CD1B: variants seen among roughly 807,000 people sequenced by gnomAD.
CD1B encodes T-cell surface glycoprotein CD1b.
In CD1B, 43 loss-of-function variants were observed where a neutral mutation model predicts 39.8. The ratio of observed to expected loss-of-function variants is 1.08; its 90% CI spans 0.85 to 1.39. CD1B has a LOEUF of 1.39. Among genes scored for constraint, CD1B ranks in the 40% most tolerant of loss-of-function variants. The pLI, the probability that CD1B is intolerant of heterozygous loss-of-function variation, is 0.00. For synonymous variants in CD1B, 192 were observed against 152.5 expected (o/e 1.26, Z -1.91); for missense variants, 495 against 403.8 (o/e 1.23, Z -1.94).
chr1:158,308,151 G>A, the CD1B span, among the ~76,000 whole-genome samples: 2 of 152,226 alleles, frequency 1.3e-5, no homozygotes, highest in East Asian at 1.9e-4. Flanking sequence ...AGGATACAAA[G>A]TCAATGTGCA....
chr1:158,321,837 T>C, the CD1B span, among the ~76,000 whole-genome samples: 214 of 152,262 alleles, frequency 1.4e-3, no homozygotes, highest in African/African-American at 4.6e-3. Flanking sequence ...TGTGCCATGG[T>C]GGTTTACTGC....
the CD1B span, among the ~76,000 whole-genome samples, chr1:158,298,271 G>A: frequency 6.6e-6 from 1 of 152,078 alleles, no homozygotes; most frequent in Admixed American, 6.6e-5. Context: ...CCACAAAGAA[G>A]CTTATGTTAT....
the CD1B span, among the ~76,000 whole-genome samples, chr1:158,313,977 G>A: frequency 0.55 from 83,351 of 151,942 alleles, 26,195 homozygotes; most frequent in African/African-American, 0.85. Flanking sequence ...GTCTCTTATG[G>A]TCCTTTGTAT....
At chr1:158,289,031 T>C in the CD1B span, among the ~76,000 whole-genome samples, 2 of 152,208 alleles carry the variant, frequency 1.3e-5, no homozygotes, top group Non-Finnish European at 2.9e-5. Context: ...TTCCACACTG[T>C]ACAGAATTTT....
At chr1:158,323,944 G>C (rs1652268792), downstream of CD1B, among the ~76,000 whole-genome samples, 1 of 152,158 alleles carries the variant, frequency 6.6e-6, no homozygotes, top group African/African-American at 2.4e-5. Flanking sequence ...CCACCAAGGA[G>C]TTTCAGAAAA....
the CD1B span, among the ~76,000 whole-genome samples, chr1:158,299,710 C>A: frequency 6.6e-6 from 1 of 152,128 alleles, no homozygotes; most frequent in Non-Finnish European, 1.5e-5. Flanking sequence ...CTGGTTTACT[C>A]TTGGGAGGGT....
At chr1:158,288,633 T>A in the CD1B span, among the ~76,000 whole-genome samples, 1 of 152,216 alleles carries the variant, frequency 6.6e-6, no homozygotes, top group Non-Finnish European at 1.5e-5. Flanking sequence ...GCTCAAGTGA[T>A]CTTCCCACCT....
At chr1:158,318,302 C>G in the CD1B span, among the ~76,000 whole-genome samples, 31 of 152,248 alleles carry the variant, frequency 2.0e-4, no homozygotes, top group Non-Finnish European at 4.1e-4. Context: ...GAGTCTAAGT[C>G]TCTTTGTAGG....
At chr1:158,304,103 G>A in the CD1B span, among the ~76,000 whole-genome samples, 1 of 152,068 alleles carries the variant, frequency 6.6e-6, no homozygotes. Context: ...GCAGGACAGT[G>A]GGTGCAGTTC....
the CD1B span, chr1:158,292,961 T>A: frequency 7.6e-7 from 1 of 1,322,426 alleles, no homozygotes; most frequent in Non-Finnish European, 1.1e-6. Flanking sequence ...CAGACCTAGG[T>A]GAGGGATTGT....
chr1:158,307,313 C>T, the CD1B span, among the ~76,000 whole-genome samples: 2 of 152,066 alleles, frequency 1.3e-5, no homozygotes, highest in Admixed American at 1.3e-4. Flanking sequence ...TACCTCTACG[C>T]AAATAAACTA....
the CD1B span, among the ~76,000 whole-genome samples, chr1:158,297,724 T>G: frequency 6.6e-6 from 1 of 152,030 alleles, no homozygotes; most frequent in Non-Finnish European, 1.5e-5. Flanking sequence ...CTTGATCCTA[T>G]GAGTTTGAGA....
the CD1B span, among the ~76,000 whole-genome samples, chr1:158,306,824 A>T: frequency 3.6e-4 from 55 of 152,228 alleles, no homozygotes; most frequent in Admixed American, 6.5e-5. Flanking sequence ...CTGCTCCTGA[A>T]TGACTACTGG....
the CD1B span, among the ~76,000 whole-genome samples, chr1:158,314,356 A>G: frequency 6.6e-6 from 1 of 152,186 alleles, no homozygotes; most frequent in Admixed American, 6.5e-5. Flanking sequence ...TGCTGGGATT[A>G]AGTGGTGAGC....
chr1:158,299,121 G>T, the CD1B span, among the ~76,000 whole-genome samples: 8 of 152,098 alleles, frequency 5.3e-5, no homozygotes, highest in Admixed American at 2.6e-4. Context: ...TTCCAGTTTT[G>T]CCCATTCAGT....
At chr1:158,331,175 C>A in intron 1 of CD1B, 113 bp from the exon 2 acceptor site, 1 of 1,236,936 alleles carries the variant, frequency 8.1e-7, no homozygotes, top group Non-Finnish European at 1.1e-6. Context: ...CTAAAGAACA[C>A]AGGAAGTCTG....
chr1:158,295,426 A>G, the CD1B span, among the ~76,000 whole-genome samples: 38 of 151,742 alleles, frequency 2.5e-4, no homozygotes, highest in Admixed American at 6.6e-4. Flanking sequence ...TCCTAGCTGC[A>G]GGAGACCCCC....
the CD1B span, among the ~76,000 whole-genome samples, chr1:158,311,797 G>A: frequency 2.0e-5 from 3 of 152,192 alleles, no homozygotes; most frequent in Admixed American, 6.5e-5. Flanking sequence ...TTAAAAATAG[G>A]TTGGCTGTAA....
chr1:158,303,898 T>C, the CD1B span, among the ~76,000 whole-genome samples: 1,757 of 152,268 alleles, frequency 0.012, 34 homozygotes, highest in African/African-American at 0.04. Context: ...AATGACATTT[T>C]TTCATAGAAT....
Sources: gnomAD v4.1 joint callset for allele counts (sites outside exome capture counted in the v4.1 genomes callset) on GRCh38, gnomAD v4.1.1 for gene constraint, MANE v1.5 for transcripts, NCBI Gene and HGNC (gene_info 2026-07-23, HGNC 2026-07-21) for gene names.